The following PTPRM variants were observed in gnomAD, a reference collection of about 807,000 sequenced individuals.
PTPRM encodes receptor-type tyrosine-protein phosphatase mu.
PTPRM carries 47 observed loss-of-function variants against 186.7 expected under a neutral mutation model. That is an observed-to-expected ratio of 0.25 (90% confidence interval 0.20 to 0.32). The LOEUF is 0.32. Ranked by LOEUF, PTPRM falls within the 10% of genes least tolerant of loss-of-function variation. The pLI is 1.00. For synonymous variants in PTPRM, 668 were observed against 674.9 expected (o/e 0.99, Z 0.16); for missense variants, 1,494 against 1,865.0 (o/e 0.80, Z 3.66).
Position 8,382,705 on chromosome 18 carries a change from G to A in PTPRM, c.3919-1856G>A, listed in dbSNP as rs1017896780. 3.3e-5 allele frequency among the ~76,000 whole-genome samples: 5 copies of A among 152,180 alleles called. No homozygotes were observed. The South Asian group carries it at 6.2e-4, about 19-fold the overall frequency. ...ATAAAATCCCAACCTTAACTGTTCT[G>A]TGATGGAGAGAGAGATACTGCTGTT... On this transcript the variant is annotated intron_variant, in intron 29 of 32. Transcript: ENST00000580170.
chr18:8,272,990 GTTTAT>G (rs2094791101), intron 19 of PTPRM, among the ~76,000 whole-genome samples: 1 of 152,080 alleles, frequency 6.6e-6, no homozygotes, highest in African/African-American at 2.4e-5. Flanking sequence ...TTTCTTTACA[GTTTAT>G]TTTGTCTAAT....
intron 23 of PTPRM, 66 bp from the exon 24 acceptor site, chr18:8,370,824 C>T (rs2095658852): frequency 3.5e-6 from 3 of 865,536 alleles, no homozygotes; most frequent in South Asian, 1.7e-5. Flanking sequence ...ATAGTGTGAC[C>T]CATCATGGGA....
intron 23 of PTPRM, among the ~76,000 whole-genome samples, chr18:8,361,923 A>C (rs1405713764): frequency 6.6e-6 from 1 of 152,200 alleles, no homozygotes; most frequent in African/African-American, 2.4e-5. Flanking sequence ...TTCTATCTAG[A>C]AGAAAAGAAT....
At chr18:8,021,359 CAT>C (rs1491072311) in intron 7 of PTPRM, among the ~76,000 whole-genome samples, 26 of 135,712 alleles carry the variant, frequency 1.9e-4, no homozygotes, top group African/African-American at 3.9e-4. Context: ...CACACACACA[CAT>C]ATAAATTTTA....
intron 20 of PTPRM, among the ~76,000 whole-genome samples, chr18:8,300,503 TA>T (rs60113332): frequency 0.069 from 9,984 of 143,844 alleles, 896 homozygotes; most frequent in African/African-American, 0.22. Flanking sequence ...ATTACTTCAT[TA>T]AAAAAAAAAA....
chr18:8,228,499 G>A (rs916702699), intron 14 of PTPRM, among the ~76,000 whole-genome samples: 1 of 152,050 alleles, frequency 6.6e-6, no homozygotes, highest in African/African-American at 2.4e-5. Context: ...TTTAAAATAT[G>A]TGTATATGTG....
At chr18:8,313,246 T>C (rs539590638) in intron 20 of PTPRM, among the ~76,000 whole-genome samples, 1 of 152,272 alleles carries the variant, frequency 6.6e-6, no homozygotes, top group East Asian at 1.9e-4. Flanking sequence ...TCTAGCAACA[T>C]TGGAAGTGAA....
intron 14 of PTPRM, among the ~76,000 whole-genome samples, chr18:8,160,390 C>T (rs542000797): frequency 4.6e-5 from 7 of 152,122 alleles, no homozygotes; most frequent in Non-Finnish European, 1.0e-4. Flanking sequence ...TCAAGTGATC[C>T]CCCGTCTCAA....
At chr18:7,616,460 T>C (rs2037807807) in intron 1 of PTPRM, among the ~76,000 whole-genome samples, 1 of 152,072 alleles carries the variant, frequency 6.6e-6, no homozygotes, top group East Asian at 1.9e-4. Flanking sequence ...GCCACAATGC[T>C]CCACTGCAGA....
chr18:8,253,297 G>A lies in PTPRM; in HGVS notation c.2637G>A (p.Pro879=), dbSNP rs192964969. Residue 879 remains proline, a synonymous_variant, in exon 19 of 33, where the codon CCG becomes CCA. Coordinates refer to ENST00000580170, the MANE Select transcript of PTPRM (RefSeq NM_001105244.2). The part of the protein sequence containing the change: ...VQSHTYKKRE[P]ADVPYQTGQL... ...CCCATACTTACAAGAAGCGAGAGCC[G>A]GCCGACGTGCCCTATCAGACTGGGC... The A allele has an allele frequency of 3.4e-5, 55 of 1,596,962 alleles. No individual in the cohort carries two copies. The highest frequency in any genetic ancestry group is 3.3e-4 in the Middle Eastern group (2 of 6,028).
chr18:8,222,030 A>C (rs1181547330), intron 14 of PTPRM, among the ~76,000 whole-genome samples: 1 of 152,176 alleles, frequency 6.6e-6, no homozygotes, highest in Non-Finnish European at 1.5e-5. Context: ...GCTGCACTGG[A>C]GTCTCTGAGC....
At chr18:7,677,980 C>T (rs762604368) in intron 1 of PTPRM, among the ~76,000 whole-genome samples, 4 of 151,984 alleles carry the variant, frequency 2.6e-5, no homozygotes, top group Admixed American at 6.6e-5. Context: ...TCCTCACTGT[C>T]GTACTCCGGG....
At chr18:7,675,388 G>A (rs2039310551) in intron 1 of PTPRM, among the ~76,000 whole-genome samples, 2 of 152,108 alleles carry the variant, frequency 1.3e-5, no homozygotes, top group Non-Finnish European at 2.9e-5. Context: ...TCCGCTGTGC[G>A]AGAGCCCTTG....
chr18:8,024,772 T>G (rs528773737), intron 7 of PTPRM, among the ~76,000 whole-genome samples: 13 of 151,274 alleles, frequency 8.6e-5, no homozygotes, highest in Non-Finnish European at 1.6e-4. Context: ...CAGCCTTGAC[T>G]TCTGAGACTT....
chr18:7,778,492 C>T (rs1018166872), intron 2 of PTPRM, among the ~76,000 whole-genome samples: 6 of 151,830 alleles, frequency 4.0e-5, no homozygotes, highest in South Asian at 2.1e-4. Flanking sequence ...GGCAGAGTTT[C>T]GCTCTTTCAC....
chr18:8,340,929 G>A (rs116720226), intron 22 of PTPRM, among the ~76,000 whole-genome samples: 5 of 152,118 alleles, frequency 3.3e-5, no homozygotes, highest in Admixed American at 6.5e-5. Context: ...ATTGCCTCCC[G>A]TAGAGAACAG....
At chr18:8,241,899 T>C (rs1248763083) in intron 14 of PTPRM, among the ~76,000 whole-genome samples, 1 of 152,226 alleles carries the variant, frequency 6.6e-6, no homozygotes, top group Non-Finnish European at 1.5e-5. Flanking sequence ...GATTTGAGCA[T>C]GCTCTCACAG....
chr18:7,717,136 GT>G (rs2040352331), intron 1 of PTPRM, among the ~76,000 whole-genome samples: 1 of 152,160 alleles, frequency 6.6e-6, no homozygotes, highest in South Asian at 2.1e-4. Flanking sequence ...AAGGGATGGG[GT>G]TTCTGGTGAA....
At chr18:8,249,125 A>T (rs2094504273) in intron 17 of PTPRM, among the ~76,000 whole-genome samples, 1 of 152,204 alleles carries the variant, frequency 6.6e-6, no homozygotes, top group South Asian at 2.1e-4. Flanking sequence ...TTGTAGCAAG[A>T]GTTCCACCCT....
Sources: gnomAD v4.1 joint callset for allele counts (sites outside exome capture counted in the v4.1 genomes callset) on GRCh38, gnomAD v4.1.1 for gene constraint, MANE v1.5 for transcripts, NCBI Gene and HGNC (gene_info 2026-07-23, HGNC 2026-07-21) for gene names.